The following REC8 variants were observed in gnomAD, a reference collection of about 807,000 sequenced individuals.
The protein encoded by REC8 is REC8 meiotic recombination protein.
REC8 carries 42 observed loss-of-function variants against 78.3 expected under a neutral mutation model. That is an observed-to-expected ratio of 0.54 (90% CI 0.42 to 0.69). The LOEUF is 0.69. Ranked by LOEUF, REC8 falls within the 30% of genes least tolerant of loss-of-function variation. The pLI is 0.00. For missense variants in REC8, 581 were observed against 715.8 expected (o/e 0.81, Z 2.15); for synonymous variants, 268 against 274.1 (o/e 0.98, Z 0.22).
intron 12 of REC8, 96 bp downstream of exon 12, chr14:24,178,318 G>A (rs2038994802): frequency 1.8e-6 from 2 of 1,104,322 alleles, no homozygotes; most frequent in Non-Finnish European, 2.7e-6. Flanking sequence ...AGGTGGGTGG[G>A]GGGAGGATTG....
In REC8 at chr14:24,172,941, G is replaced by T. The variant is rs367739958; in HGVS notation, c.168G>T (p.Pro56=). ...ACGTGCTGGTACGAGTGCAACCCCC[G>T]CAGCCCGGCCTGCCGCGGCCCCGCT... The part of the protein sequence containing the change: ...LNYVLVRVQP[P]QPGLPRPRFS... The change falls in exon 3 of 19, where the codon CCG becomes CCT. Residue 56 remains proline, a synonymous_variant. Coordinates refer to ENST00000611366, the MANE Select transcript of REC8 (RefSeq NM_001048205.2). 1.2e-6 allele frequency: 2 copies of T among 1,610,792 alleles called. No individual in the cohort carries two copies. Among genetic ancestry groups the T allele is most frequent in the Non-Finnish European group, 8.5e-7 (1 of 1,179,996 alleles).
chr14:24,177,258 C>T, intron 8 of REC8, 36 bp downstream of exon 8: 1 of 1,611,306 alleles, frequency 6.2e-7, no homozygotes, highest in Non-Finnish European at 8.5e-7. Context: ...CCGCCTGGAG[C>T]TGGATAGTCA....
intron 8 of REC8, 56 bp from the exon 9 acceptor site, chr14:24,177,297 G>A: frequency 6.2e-7 from 1 of 1,613,768 alleles, no homozygotes; most frequent in Non-Finnish European, 8.5e-7. Flanking sequence ...TCTGGGACTG[G>A]GCAATGCTCC....
At chr14:24,173,966 A>C (rs1188866366) in intron 5 of REC8, among the ~76,000 whole-genome samples, 2 of 151,950 alleles carry the variant, frequency 1.3e-5, no homozygotes, top group African/African-American at 4.8e-5. Flanking sequence ...CCCCGGTTCA[A>C]GCAATTCTCC....
At chr14:24,174,988 G>A (rs1189250635) in intron 5 of REC8, among the ~76,000 whole-genome samples, 1 of 149,128 alleles carries the variant, frequency 6.7e-6, no homozygotes, top group Non-Finnish European at 1.5e-5. Flanking sequence ...GGATAACGAT[G>A]CACTGCTGCT....
rs568783385 is a variant in REC8 at position 24,174,004 on chromosome 14, T to C, written c.462+593T>C. ...CCTCAGCCTCCCGAGTAGCTGGGAC[T>C]ACAGGCATTTGCCACCATGCCCAAC... On this transcript the variant is annotated intron_variant, in intron 5 of 18. Transcript: ENST00000611366. 7.9e-5 allele frequency among the ~76,000 whole-genome samples: 12 copies of C among 152,146 alleles called. No homozygotes were observed. The East Asian group carries it at 2.3e-3, about 30-fold the overall frequency.
chr14:24,179,697 C>G lies in REC8; in HGVS notation c.1422C>G (p.Leu474=). ...TGCCTTTGGTGCTGCCCCCAGAGCT[C>G]GAGCTGCTCTCACTGGAAGCAGTGC... The part of the protein sequence containing the change: ...MEMPLVLPPE[L]ELLSLEAVHR... Residue 474 remains leucine (L), a synonymous_variant, in exon 17 of 19, where the codon CTC becomes CTG. Coordinates refer to ENST00000611366, the MANE Select transcript of REC8 (RefSeq NM_001048205.2). The G allele has an allele frequency of 6.2e-7, 1 of 1,614,202 alleles. No homozygotes were observed. The highest frequency in any genetic ancestry group is 8.5e-7 in the Non-Finnish European group (1 of 1,180,042).
intron 10 of REC8, 38 bp from the exon 11 acceptor site, chr14:24,177,671 G>A: frequency 1.3e-6 from 2 of 1,599,644 alleles, no homozygotes; most frequent in Non-Finnish European, 1.7e-6. Flanking sequence ...CAAGGGGTAA[G>A]GGGCTTATGG....
intron 7 of REC8, 84 bp from the exon 8 acceptor site, chr14:24,177,057 C>T (rs2038928754): frequency 6.9e-7 from 1 of 1,439,490 alleles, no homozygotes. Flanking sequence ...TGTGGCATGC[C>T]TCTGGGATCC....
Position 24,179,810 on chromosome 14 carries a change from C to G in REC8, c.1462C>G (p.Leu488Val), listed in dbSNP as rs773877656. 8 of 1,613,008 alleles carry G rather than the reference C, an allele frequency of 5.0e-6. No homozygotes were observed. In the South Asian group the frequency reaches 8.8e-5, roughly 18 times the overall value. The change falls in exon 18 of 19, where the codon CTG becomes GTG. Residue 488 changes from leucine (L) to valine (V), a missense_variant. Leu to Val is a conservative substitution (Grantham distance 32). Coordinates refer to ENST00000611366, the MANE Select transcript of REC8 (RefSeq NM_001048205.2). Reference protein sequence around the residue: ...SLEAVHRAVALELQANREPDF... With the variant: ...SLEAVHRAVAVELQANREPDF... ...TCTTGATCCCTATAGGGCAGTGGCACTGGAGCTGCAGGCTAACAGGGAGCC... is the reference window on the plus strand; with the variant it reads ...TCTTGATCCCTATAGGGCAGTGGCAGTGGAGCTGCAGGCTAACAGGGAGCC...
At chr14:24,180,585 G>C, downstream of REC8, 3 of 1,613,264 alleles carry the variant, frequency 1.9e-6, no homozygotes, top group Non-Finnish European at 2.5e-6. Context: ...GGGTGGAGAG[G>C]GAGGGAGAAA....
chr14:24,175,344 C>A (rs977087641), intron 5 of REC8, 199 bp from the exon 6 acceptor site: 14 of 516,346 alleles, frequency 2.7e-5, no homozygotes, highest in South Asian at 1.4e-4. Context: ...AACTGGGGTG[C>A]GGGTTGGGGA....
chr14:24,180,030 C>A lies in REC8; in HGVS notation c.1579C>A (p.Leu527Ile). ...ACCAGTGCTCTCAGCGCAACAGATTCTTCACGTGAAACAAGAAAAGCCATA... is the reference window on the plus strand; with the variant it reads ...ACCAGTGCTCTCAGCGCAACAGATTATTCACGTGAAACAAGAAAAGCCATA... ...LLLVLSAQQI[L>I]HVKQEKPYGR... The change falls in exon 19 of 19, where the codon CTT becomes ATT. Residue 527 changes from leucine to isoleucine, a missense_variant. By Grantham distance (5) the Leu-to-Ile change is conservative. Coordinates refer to ENST00000611366, the MANE Select transcript of REC8 (RefSeq NM_001048205.2). The A allele has an allele frequency of 6.2e-7, 1 of 1,614,178 alleles. No homozygotes were observed. The highest frequency in any genetic ancestry group is 8.5e-7 in the Non-Finnish European group (1 of 1,180,024).
At position 24,172,582 on chromosome 14, in the gene REC8, C is replaced by G; in HGVS notation, c.30C>G (p.Arg10=). 1.9e-6 allele frequency: 3 copies of G among 1,613,324 alleles called. No individual in the cohort carries two copies. In the South Asian group the frequency reaches 3.3e-5, roughly 18 times the overall value. The change falls in exon 1 of 19, where the codon CGC becomes CGG. Residue 10 remains arginine (R), a synonymous_variant. Coordinates refer to ENST00000611366, the MANE Select transcript of REC8 (RefSeq NM_001048205.2). MFYYPNVLQ[R]HTGCFATIWL... ...TCTACTATCCCAACGTGCTTCAGCG[C>G]CACACCGGCTGCTTTGCCACCATCT...
At chr14:24,173,952 G>A (rs2038780081) in intron 5 of REC8, among the ~76,000 whole-genome samples, 1 of 152,022 alleles carries the variant, frequency 6.6e-6, no homozygotes, top group African/African-American at 2.4e-5. Context: ...TGCAACCTCT[G>A]CCTCCCCGGT....
rs2038856893 is a variant in REC8 at position 24,175,604 on chromosome 14, C to T, written c.524C>T (p.Pro175Leu). The T allele has an allele frequency of 8.7e-6, 14 of 1,613,916 alleles. No individual in the cohort carries two copies. Among genetic ancestry groups the T allele is most frequent in the Non-Finnish European group, 1.2e-5 (14 of 1,179,832 alleles). The part of the protein sequence containing the change: ...ERVEEIPPEV[P>L]TEPREPERIP... ...GTTGAAGAGATCCCTCCTGAAGTTC[C>T]TACAGAGCCCAGGGAGCCAGGTCAG... The change falls in exon 6 of 19, where the codon CCT becomes CTT. Residue 175 changes from proline (P) to leucine (L), a missense_variant. Coordinates refer to ENST00000611366, the MANE Select transcript of REC8 (RefSeq NM_001048205.2).
chr14:24,174,139 A>C (rs2038786665), intron 5 of REC8, among the ~76,000 whole-genome samples: 1 of 152,140 alleles, frequency 6.6e-6, no homozygotes, highest in South Asian at 2.1e-4. Flanking sequence ...CTGGGATTAC[A>C]GACATGAGCC....
At chr14:24,179,360 A>G (rs2138798446) in intron 15 of REC8, 37 bp from the exon 16 acceptor site, 2 of 1,611,118 alleles carry the variant, frequency 1.2e-6, no homozygotes, top group East Asian at 2.2e-5. Flanking sequence ...ACTGCCACCC[A>G]AGCAGACACC....
At chr14:24,177,410 T>C (rs202204104) in intron 9 of REC8, 27 bp downstream of exon 9, 1 of 1,614,012 alleles carries the variant, frequency 6.2e-7, no homozygotes, top group East Asian at 2.2e-5. Context: ...CTAGACCAGG[T>C]AGGGTGTCAG....
Sources: allele counts gnomAD v4.1 joint callset (sites outside exome capture counted in the v4.1 genomes callset), GRCh38; gene constraint gnomAD v4.1.1; transcripts MANE v1.5; gene names NCBI Gene and HGNC (gene_info 2026-07-23, HGNC 2026-07-21).